SLC39A11: variants seen among roughly 807,000 people sequenced by gnomAD.
SLC39A11 encodes solute carrier family 39 member 11.
SLC39A11 carries 33 observed loss-of-function variants against 36.1 expected under a neutral mutation model. That is an observed-to-expected ratio of 0.91 (90% CI 0.69 to 1.22). SLC39A11 has a LOEUF of 1.22. Ranked by LOEUF, SLC39A11 falls within the 50% of genes most tolerant of loss-of-function variation. The pLI is 0.00. For synonymous variants in SLC39A11, 166 were observed against 170.3 expected (o/e 0.97, Z 0.20); for missense variants, 432 against 430.3 (o/e 1.00, Z -0.03).
intron 3 of SLC39A11, among the ~76,000 whole-genome samples, chr17:73,082,156 T>C (rs573210220): frequency 1.2e-5 from 1 of 82,862 alleles, no homozygotes; most frequent in Non-Finnish European, 2.7e-5. Flanking sequence ...CAAAAATAAA[T>C]AAATACCTAC....
intron 5 of SLC39A11, among the ~76,000 whole-genome samples, chr17:72,944,095 C>A (rs1045943104): frequency 1.3e-5 from 2 of 152,150 alleles, no homozygotes; most frequent in South Asian, 2.1e-4. Context: ...CAGATCACAC[C>A]TCATTACTTA....
chr17:72,971,472 C>G (rs1029480715), intron 4 of SLC39A11, among the ~76,000 whole-genome samples: 2 of 152,218 alleles, frequency 1.3e-5, no homozygotes, highest in Non-Finnish European at 2.9e-5. Context: ...AATCTCAGCC[C>G]TTTATTTCCA....
chr17:72,694,771 A>C (rs1803526328), intron 7 of SLC39A11, among the ~76,000 whole-genome samples: 1 of 152,124 alleles, frequency 6.6e-6, no homozygotes, highest in African/African-American at 2.4e-5. Flanking sequence ...CAGAGAGAAG[A>C]CCTGGGGCTG....
intron 7 of SLC39A11, among the ~76,000 whole-genome samples, chr17:72,671,804 T>A (rs1259705731): frequency 6.6e-6 from 1 of 152,178 alleles, no homozygotes; most frequent in Admixed American, 6.5e-5. Flanking sequence ...ATCACCTATA[T>A]GCAGAATCTT....
intron 5 of SLC39A11, among the ~76,000 whole-genome samples, chr17:72,861,664 T>TA (rs1204479170): frequency 9.9e-6 from 1 of 101,086 alleles, no homozygotes; most frequent in Non-Finnish European, 2.0e-5. Context: ...ACATTATATA[T>TA]ATATATATAT....
chr17:72,824,849 G>A (rs1323653931), intron 6 of SLC39A11, among the ~76,000 whole-genome samples: 1 of 151,272 alleles, frequency 6.6e-6, no homozygotes, highest in Admixed American at 6.6e-5. Context: ...TAAAGATGTG[G>A]CCTGGCTGCT....
At chr17:72,941,995 C>T (rs1207131940) in intron 5 of SLC39A11, among the ~76,000 whole-genome samples, 2 of 151,918 alleles carry the variant, frequency 1.3e-5, no homozygotes, top group Non-Finnish European at 2.9e-5. Context: ...ATTCTCCTGC[C>T]TCAGCCTCCC....
chr17:72,869,867 CT>C (rs1405151762), intron 5 of SLC39A11, among the ~76,000 whole-genome samples: 1 of 152,170 alleles, frequency 6.6e-6, no homozygotes. Flanking sequence ...TGTCTCTCCC[CT>C]ACCCCCAAGT....
intron 7 of SLC39A11, among the ~76,000 whole-genome samples, chr17:72,659,131 T>C (rs553480332): frequency 2.0e-5 from 3 of 152,324 alleles, no homozygotes; most frequent in African/African-American, 7.2e-5. Context: ...GCCCTGGCCA[T>C]GTGCAAGAGC....
intron 6 of SLC39A11, among the ~76,000 whole-genome samples, chr17:72,787,209 C>T (rs1161923505): frequency 6.6e-6 from 1 of 151,338 alleles, no homozygotes; most frequent in African/African-American, 2.4e-5. Flanking sequence ...AATAGTATGC[C>T]ACCAGTCTTT....
At chr17:72,915,909 C>T (rs1383962272) in intron 5 of SLC39A11, among the ~76,000 whole-genome samples, 1 of 152,236 alleles carries the variant, frequency 6.6e-6, no homozygotes, top group Non-Finnish European at 1.5e-5. Context: ...AACCAGCCAC[C>T]TACACCCACA....
At chr17:72,683,075 T>C (rs1467655580) in intron 7 of SLC39A11, among the ~76,000 whole-genome samples, 1 of 152,180 alleles carries the variant, frequency 6.6e-6, no homozygotes, top group African/African-American at 2.4e-5. Flanking sequence ...TGTGGCAAGG[T>C]ATCAGTGGCT....
chr17:72,716,967 T>C (rs1310472628), intron 7 of SLC39A11, among the ~76,000 whole-genome samples: 2 of 82,942 alleles, frequency 2.4e-5, no homozygotes, highest in Admixed American at 1.2e-4. Context: ...AGACCCTGTC[T>C]CAAAAAAAAA....
chr17:72,857,839 T>A (rs1310315140), intron 5 of SLC39A11, among the ~76,000 whole-genome samples: 5 of 152,212 alleles, frequency 3.3e-5, no homozygotes, highest in African/African-American at 1.2e-4. Flanking sequence ...GTTTCTTTCC[T>A]GTAATGTGTT....
intron 7 of SLC39A11, among the ~76,000 whole-genome samples, chr17:72,663,524 A>T (rs2070577120): frequency 6.6e-6 from 1 of 152,198 alleles, no homozygotes; most frequent in Non-Finnish European, 1.5e-5. Context: ...CTGAAGGAGA[A>T]TCACTATCCT....
At chr17:72,665,158 T>C (rs1478891459) in intron 7 of SLC39A11, among the ~76,000 whole-genome samples, 1 of 152,092 alleles carries the variant, frequency 6.6e-6, no homozygotes, top group Admixed American at 6.6e-5. Context: ...GGTGCCTACA[T>C]GATGAGGAAC....
chr17:72,840,078 C>G (rs768318843), intron 6 of SLC39A11, among the ~76,000 whole-genome samples: 2 of 152,142 alleles, frequency 1.3e-5, no homozygotes, highest in Non-Finnish European at 2.9e-5. Context: ...CCAGGAATAA[C>G]CAACCACTGT....
intron 5 of SLC39A11, among the ~76,000 whole-genome samples, chr17:72,926,934 CG>C (rs2084084004): frequency 6.7e-6 from 1 of 149,536 alleles, no homozygotes; most frequent in African/African-American, 2.6e-5. Flanking sequence ...TGACCTTGCA[CG>C]GGAATTACTG....
chr17:73,011,724 C>T (rs550942040), intron 4 of SLC39A11, among the ~76,000 whole-genome samples: 11 of 149,808 alleles, frequency 7.3e-5, no homozygotes, highest in East Asian at 2.0e-4. Context: ...TGCAGCGGCG[C>T]GATCTTGGCT....
Sources: gnomAD v4.1 joint callset for allele counts (sites outside exome capture counted in the v4.1 genomes callset) on GRCh38, gnomAD v4.1.1 for gene constraint, MANE v1.5 for transcripts, NCBI Gene and HGNC (gene_info 2026-07-23, HGNC 2026-07-21) for gene names.